The following CCDC77 variants were observed in gnomAD, a reference collection of about 807,000 sequenced individuals.
The protein encoded by CCDC77 is coiled-coil domain containing 77, also known as coiled-coil domain-containing protein 77.
Under a neutral mutation model 66.8 loss-of-function variants are expected in CCDC77, and 56 were observed. That is an observed-to-expected ratio of 0.84 (90% confidence interval 0.68 to 1.05). CCDC77 has a LOEUF of 1.05. CCDC77 is among the 50% of genes least tolerant of loss of function. The probability of loss-of-function intolerance (pLI) is 0.00; values close to 1 mark genes in which losing one functional copy is unlikely to be tolerated. For synonymous variants in CCDC77, 196 were observed against 195.2 expected (o/e 1.00, Z -0.03); for missense variants, 570 against 576.8 (o/e 0.99, Z 0.12).
In CCDC77 at chr12:418,522, G is replaced by A. The variant is rs1945328922; in HGVS notation, c.299G>A (p.Arg100Lys). 6.2e-7 allele frequency: 1 copy of A among 1,614,098 alleles called. No homozygotes were observed. Among genetic ancestry groups the A allele is most frequent in the African/African-American group, 1.3e-5 (1 of 75,026 alleles). Residue 100 changes from arginine to lysine, a missense_variant, in exon 5 of 13, where the codon AGG (arginine) becomes AAG (lysine). Coordinates refer to ENST00000239830, the MANE Select transcript of CCDC77 (RefSeq NM_032358.4). The part of the protein sequence containing the change: ...QHKLECDLQQ[R>K]EEEIAELQKA... ...AAACTTGAATGTGATTTGCAGCAGA[G>A]GGAGGAAGAGATTGCTGAATTGCAG...
chr12:432,000 T>A (rs1945661563), intron 8 of CCDC77, 46 bp downstream of exon 8: 1 of 1,126,930 alleles, frequency 8.9e-7, no homozygotes, highest in Non-Finnish European at 1.3e-6. Context: ...TATCCACAGG[T>A]GCAGCTCTAT....
chr12:411,326 G>A (rs1945105174), intron 3 of CCDC77, among the ~76,000 whole-genome samples: 1 of 151,670 alleles, frequency 6.6e-6, no homozygotes, highest in South Asian at 2.1e-4. Flanking sequence ...GGCGTGCACT[G>A]CCACACCCAT....
Position 440,708 on chromosome 12 carries a change from G to T in CCDC77, c.1133G>T (p.Arg378Leu). The T allele has an allele frequency of 1.2e-6, 2 of 1,614,112 alleles. No individual in the cohort carries two copies. The highest frequency in any genetic ancestry group is 1.1e-5 in the South Asian group (1 of 91,084). ...TTAGAAGAAGAACTTGCCCGAATTC[G>T]TGAGGAAGAGGGAATGAGGAGAGAG... ...ISLEEELARI[R>L]EEEGMRREIF... is the part of the protein sequence containing the mutation. Residue 378 changes from arginine (R) to leucine (L), a missense_variant, in exon 11 of 13, where the codon CGT becomes CTT. By Grantham distance (102) the Arg-to-Leu change is moderately radical. Transcript: ENST00000239830.
intron 8 of CCDC77, among the ~76,000 whole-genome samples, chr12:432,336 G>A (rs1461510450): frequency 6.6e-6 from 1 of 152,100 alleles, no homozygotes; most frequent in Non-Finnish European, 1.5e-5. Flanking sequence ...GTCTAGGAAA[G>A]TAATGAACTG....
At chr12:439,309 C>A (rs1174547629) in intron 10 of CCDC77, among the ~76,000 whole-genome samples, 1 of 151,990 alleles carries the variant, frequency 6.6e-6, no homozygotes, top group Non-Finnish European at 1.5e-5. Flanking sequence ...CACCTGAGGT[C>A]AGGAGTTCGA....
intron 1 of CCDC77, among the ~76,000 whole-genome samples, chr12:390,656 C>T (rs1446355509): frequency 1.3e-5 from 2 of 152,190 alleles, no homozygotes; most frequent in East Asian, 1.9e-4. Flanking sequence ...GGCCTCCAGC[C>T]TGCCAACCCA....
At chr12:398,992 T>G (rs192205658), upstream of CCDC77, among the ~76,000 whole-genome samples, 1 of 152,194 alleles carries the variant, frequency 6.6e-6, no homozygotes, top group Non-Finnish European at 1.5e-5. Context: ...GCTTAAGTGA[T>G]CCACCCACGT....
At chr12:409,224 AG>A (rs1945058325) in intron 2 of CCDC77, 143 bp from the exon 3 acceptor site, 306 of 561,396 alleles carry the variant, frequency 5.5e-4, no homozygotes, top group East Asian at 1.0e-3. Context: ...AAAAAAAAAA[AG>A]AAAAAAAAAA....
At chr12:416,340 T>TGGGG (rs146269284) in intron 4 of CCDC77, among the ~76,000 whole-genome samples, 1 of 48,262 alleles carries the variant, frequency 2.1e-5, no homozygotes, top group African/African-American at 5.8e-5. Flanking sequence ...TGTGGGTGTG[T>TGGGG]GGGGGTGTGT....
At chr12:399,691 C>T (rs570282774), upstream of CCDC77, among the ~76,000 whole-genome samples, 63 of 152,256 alleles carry the variant, frequency 4.1e-4, no homozygotes, top group East Asian at 1.4e-3. Flanking sequence ...ATACATAAAA[C>T]GGTGAACTTA....
intron 4 of CCDC77, among the ~76,000 whole-genome samples, chr12:417,901 C>G (rs1206127456): frequency 1.5e-5 from 2 of 136,182 alleles, no homozygotes; most frequent in Non-Finnish European, 3.2e-5. Context: ...GACTCTGTCT[C>G]AAAAAAAAAA....
At chr12:436,859 A>G in intron 9 of CCDC77, 1 of 504,754 alleles carries the variant, frequency 2.0e-6, no homozygotes, top group Non-Finnish European at 2.6e-6. Flanking sequence ...TTGTATTTTA[A>G]CAAGCCTATA....
At chr12:433,385 A>T (rs962164053) in intron 9 of CCDC77, 63 bp downstream of exon 9, 1 of 1,583,722 alleles carries the variant, frequency 6.3e-7, no homozygotes, top group Admixed American at 1.8e-5. Context: ...TTAAAAGTTA[A>T]CATTTTGTAC....
At chr12:423,308 A>ATT (rs146625380) in intron 5 of CCDC77, among the ~76,000 whole-genome samples, 28,778 of 129,962 alleles carry the variant, frequency 0.22, 3,504 homozygotes, top group Middle Eastern at 0.32. Context: ...ATATATATAT[A>ATT]TTTTTTTTTT....
intron 1 of CCDC77, among the ~76,000 whole-genome samples, chr12:403,075 T>A (rs573592130): frequency 3.9e-5 from 6 of 152,240 alleles, no homozygotes; most frequent in Non-Finnish European, 7.3e-5. Context: ...CCACTACATT[T>A]TTGTTAATTC....
intron 8 of CCDC77, among the ~76,000 whole-genome samples, chr12:432,973 A>C (rs777913937): frequency 1.7e-4 from 26 of 152,318 alleles, no homozygotes; most frequent in Non-Finnish European, 3.4e-4. Flanking sequence ...TTGAGGCTGC[A>C]GTGAGCTATG....
rs1945329185 is a variant in CCDC77, at chr12:418,535, T to G, written c.312T>G (p.Ile104Met). ...ECDLQQREEE[I>M]AELQKALSDM... ...ATTTGCAGCAGAGGGAGGAAGAGAT[T>G]GCTGAATTGCAGAAAGCTCTAAGTG... The change falls in exon 5 of 13, where the codon ATT becomes ATG. Residue 104 changes from isoleucine (I) to methionine (M), a missense_variant. Physicochemically the swap from Ile to Met is conservative, Grantham distance 10. Coordinates refer to ENST00000239830, the MANE Select transcript of CCDC77 (RefSeq NM_032358.4). 1.2e-6 allele frequency: 2 copies of G among 1,613,966 alleles called. No individual in the cohort carries two copies. Among genetic ancestry groups the G allele is most frequent in the Admixed American group, 1.7e-5 (1 of 59,988 alleles).
In CCDC77 at chr12:414,332, C is replaced by T. The variant is rs145959460; in HGVS notation, c.270+2354C>T. On this transcript the variant is annotated intron_variant, in intron 4 of 12. Coordinates refer to ENST00000239830, the MANE Select transcript of CCDC77 (RefSeq NM_032358.4). ...ATCTCAAACTCCTGACCTTGTGATC[C>T]GCTTGCCTTGGCCTCCTGAAGTGCT... Among the ~76,000 whole-genome samples the T allele has an allele frequency of 4.0e-4, 60 of 151,490 alleles. 2 individuals are homozygous for T. The highest frequency in any genetic ancestry group is 1.4e-3 in the African/African-American group (57 of 41,232).
chr12:435,073 ATGTATT>A (rs1945724671), intron 9 of CCDC77, among the ~76,000 whole-genome samples: 1 of 114,436 alleles, frequency 8.7e-6, no homozygotes, highest in South Asian at 3.3e-4. Flanking sequence ...ATGGTATCAC[ATGTATT>A]CCGTTTCCAA....
Sources: allele counts gnomAD v4.1 joint callset (sites outside exome capture counted in the v4.1 genomes callset), GRCh38; gene constraint gnomAD v4.1.1; transcripts MANE v1.5; gene names NCBI Gene and HGNC (gene_info 2026-07-23, HGNC 2026-07-21).